The following BNC2 variants were observed in gnomAD, a reference collection of about 807,000 sequenced individuals.
BNC2 encodes the protein basonuclin zinc finger protein 2.
In BNC2, 20 loss-of-function variants were observed where a neutral mutation model predicts 76.3. That is an observed-to-expected ratio of 0.26 (90% CI 0.18 to 0.38). The LOEUF is 0.38. Among genes scored for constraint, BNC2 ranks in the 10% least tolerant of loss-of-function variants. The probability of loss-of-function intolerance (pLI) is 1.00; values close to 1 mark genes in which losing one functional copy is unlikely to be tolerated. For missense variants in BNC2, 1,382 were observed against 1,399.8 expected, an observed-to-expected ratio of 0.99 and a Z score of 0.20; for synonymous variants, 582 against 514.8, an observed-to-expected ratio of 1.13 and a Z score of -1.77.
At chr9:16,833,048 G>C (rs1818619738) in intron 1 of BNC2, among the ~76,000 whole-genome samples, 1 of 149,566 alleles carries the variant, frequency 6.7e-6, no homozygotes, top group Non-Finnish European at 1.5e-5. Context: ...TTACAGTCCA[G>C]GAATCAGTCT....
In BNC2 at chr9:16,446,718, T is replaced by G. The variant is rs553986485; in HGVS notation, c.670-9194A>C. ...GGACCAGATAAGAATGTATAATTCA[T>G]AGAGTACTATGCCTTTTTTCTTCAG... On this transcript the variant is annotated intron_variant, in intron 5 of 6. Transcript: ENST00000380672. Among the ~76,000 whole-genome samples, 247 of 152,266 alleles carry G rather than the reference T, an allele frequency of 1.6e-3. 3 individuals carry two copies. Among genetic ancestry groups the G allele is most frequent in the African/African-American group, 5.6e-3 (232 of 41,582 alleles).
chr9:16,495,443 G>A (rs140448084), intron 5 of BNC2, among the ~76,000 whole-genome samples: 6 of 152,308 alleles, frequency 3.9e-5, no homozygotes, highest in African/African-American at 7.2e-5. Flanking sequence ...GCATTGTGAC[G>A]TGAATGTCAA....
At chr9:16,485,101 GAC>G (rs901270450) in intron 5 of BNC2, among the ~76,000 whole-genome samples, 2 of 107,876 alleles carry the variant, frequency 1.9e-5, no homozygotes, top group East Asian at 2.6e-4. Flanking sequence ...CACACACAGA[GAC>G]ACACACAGAC....
intron 4 of BNC2, among the ~76,000 whole-genome samples, chr9:16,554,854 T>G (rs949029129): frequency 3.3e-5 from 5 of 152,044 alleles, no homozygotes; most frequent in African/African-American, 7.2e-5. Flanking sequence ...CAGGAGTCAG[T>G]AGAAAGGAAA....
intron 1 of BNC2, among the ~76,000 whole-genome samples, chr9:16,779,301 C>CAAAAAA (rs71327858): frequency 9.5e-6 from 1 of 105,252 alleles, no homozygotes; most frequent in African/African-American, 3.5e-5. Flanking sequence ...GACCCTCTCT[C>CAAAAAA]AAAAAAAAAA....
At chr9:16,830,739 A>G (rs1002159565) in intron 1 of BNC2, among the ~76,000 whole-genome samples, 1 of 152,234 alleles carries the variant, frequency 6.6e-6, no homozygotes, top group Non-Finnish European at 1.5e-5. Flanking sequence ...GTAGATCACC[A>G]AAGGGAAACA....
intron 6 of BNC2, among the ~76,000 whole-genome samples, chr9:16,432,476 C>T (rs1399630876): frequency 3.3e-5 from 5 of 152,230 alleles, no homozygotes; most frequent in African/African-American, 9.6e-5. Context: ...AATGCAACTA[C>T]CTCATGTATA....
chr9:16,457,574 G>A (rs1821481529), intron 5 of BNC2, among the ~76,000 whole-genome samples: 1 of 152,194 alleles, frequency 6.6e-6, no homozygotes, highest in South Asian at 2.1e-4. Flanking sequence ...CAGGTGTGAG[G>A]TGCTGTCTAC....
chr9:16,683,313 C>T (rs1414261384), intron 3 of BNC2, among the ~76,000 whole-genome samples: 3 of 152,140 alleles, frequency 2.0e-5, no homozygotes, highest in Admixed American at 1.3e-4. Flanking sequence ...TGAGAACTTA[C>T]GTCAGCTAAA....
rs773402358 is a variant in BNC2, at chr9:16,437,432, G to T, written c.762C>A (p.Thr254=). 6.2e-7 allele frequency: 1 copy of T among 1,612,230 alleles called. No homozygotes were observed. The highest frequency in any genetic ancestry group is 8.5e-7 in the Non-Finnish European group (1 of 1,178,944). The change falls in exon 6 of 7, where the codon ACC becomes ACA. Residue 254 remains threonine, a synonymous_variant. Coordinates refer to ENST00000380672, the MANE Select transcript of BNC2 (RefSeq NM_017637.6). ...TTGCCATCAGCTCCACAATGGATTTGGTTTCTCCAAACCGCAGAAACTGCT... is the reference window on the plus strand; with the variant it reads ...TTGCCATCAGCTCCACAATGGATTTTGTTTCTCCAAACCGCAGAAACTGCT... ...TLQQFLRFGE[T]KSIVELMAIQ...
At chr9:16,472,609 T>C (rs1278002777) in intron 5 of BNC2, among the ~76,000 whole-genome samples, 1 of 152,182 alleles carries the variant, frequency 6.6e-6, no homozygotes, top group Middle Eastern at 3.2e-3. Context: ...TCAAACATAG[T>C]GAAACTTCTA....
Position 16,417,159 on chromosome 9 carries a change from A to G in BNC2, c.*1830T>C, listed in dbSNP as rs1820601244. ...ACTTAAAAAAAAAGGAAAAAAGAAA[A>G]AAAAAAGACAACAAAACAGTCTGCA... On this transcript the variant is annotated 3_prime_UTR_variant, in exon 7 of 7. Coordinates refer to ENST00000380672, the MANE Select transcript of BNC2 (RefSeq NM_017637.6). The G allele has an allele frequency of 6.6e-6, 1 of 152,562 alleles. No individual in the cohort carries two copies. Among genetic ancestry groups the G allele is most frequent in the Non-Finnish European group, 1.5e-5 (1 of 68,036 alleles). The allele number at this position is 152,562 out of a possible 1,614,324, so 9.5% of individuals were successfully genotyped here. A position where few individuals can be genotyped will look rare whatever the true frequency, so the allele number is the denominator to read the frequency against.
chr9:16,428,150 T>C (rs1350023855), intron 6 of BNC2, among the ~76,000 whole-genome samples: 1 of 152,082 alleles, frequency 6.6e-6, no homozygotes, highest in African/African-American at 2.4e-5. Flanking sequence ...AAGTAAAAAA[T>C]AGAACAAAAG....
intron 3 of BNC2, among the ~76,000 whole-genome samples, chr9:16,626,968 G>A (rs991471137): frequency 2.0e-5 from 3 of 152,186 alleles, no homozygotes; most frequent in South Asian, 2.1e-4. Flanking sequence ...TCTCCGTGTC[G>A]GTAACTTCCC....
chr9:16,832,313 A>C (rs1165055019), intron 1 of BNC2: 2 of 1,272,038 alleles, frequency 1.6e-6, no homozygotes, highest in African/African-American at 1.5e-5. Context: ...AGGGAAAAGA[A>C]GCCATGAAGC....
In BNC2 at chr9:16,695,943, A is replaced by G. The variant is rs961621671; in HGVS notation, c.330+31854T>C. 2.0e-5 allele frequency among the ~76,000 whole-genome samples: 3 copies of G among 151,928 alleles called. No homozygotes were observed. The East Asian group carries it at 5.8e-4, about 29-fold the overall frequency. ...TATATTTTTCAATGTTATTACCATA[A>G]GCCCATTAACAAAGACTCAGAACCA... is the stretch of plus-strand genomic sequence containing the variant. On this transcript the variant is annotated intron_variant, in intron 3 of 6. Transcript: ENST00000380672.
intron 3 of BNC2, among the ~76,000 whole-genome samples, chr9:16,683,582 T>A (rs963126300): frequency 5.9e-5 from 9 of 152,054 alleles, no homozygotes; most frequent in South Asian, 4.1e-4. Context: ...CAATAAGAAA[T>A]GGCTCATTCT....
At chr9:16,854,485 T>C (rs577862506) in intron 1 of BNC2, among the ~76,000 whole-genome samples, 1 of 152,322 alleles carries the variant, frequency 6.6e-6, no homozygotes, top group East Asian at 1.9e-4. Context: ...TATTTCTCTA[T>C]AAGGCATTTA....
At chr9:16,668,809 T>G (rs1296570371) in intron 3 of BNC2, among the ~76,000 whole-genome samples, 1 of 152,216 alleles carries the variant, frequency 6.6e-6, no homozygotes, top group Non-Finnish European at 1.5e-5. Flanking sequence ...ATCAATTTTT[T>G]TAGAGCTACA....
Sources: allele counts gnomAD v4.1 joint callset (sites outside exome capture counted in the v4.1 genomes callset), GRCh38; gene constraint gnomAD v4.1.1; transcripts MANE v1.5; gene names NCBI Gene and HGNC (gene_info 2026-07-23, HGNC 2026-07-21).